DDX10: variants seen among roughly 807,000 people sequenced by gnomAD.
The protein encoded by DDX10 is probable ATP-dependent RNA helicase DDX10.
Under a neutral mutation model 104.3 loss-of-function variants are expected in DDX10, and 74 were observed. The ratio of observed to expected loss-of-function variants is 0.71; its 90% confidence interval spans 0.59 to 0.86. The LOEUF (loss-of-function observed/expected upper bound fraction) is 0.86. Ranked by LOEUF, DDX10 falls within the 40% of genes least tolerant of loss-of-function variation. DDX10 has a pLI of 0.00. For synonymous variants in DDX10, 351 were observed against 353.4 expected (o/e 0.99, Z 0.08); for missense variants, 952 against 1,040.0 (o/e 0.92, Z 1.16).
chr11:108,700,047 C>T (rs1240926641), intron 9 of DDX10, among the ~76,000 whole-genome samples: 1 of 152,306 alleles, frequency 6.6e-6, no homozygotes, highest in East Asian at 1.9e-4. Flanking sequence ...AAAAGCCTCT[C>T]ATAGGTGAGG....
At chr11:108,801,564 A>AGGAAGG (rs1862020958) in intron 13 of DDX10, among the ~76,000 whole-genome samples, 1 of 152,160 alleles carries the variant, frequency 6.6e-6, no homozygotes, top group Non-Finnish European at 1.5e-5. Context: ...CTAACCTCTT[A>AGGAAGG]CAGCCCCCAA....
At chr11:108,765,183 G>C (rs987374532) in intron 13 of DDX10, among the ~76,000 whole-genome samples, 8 of 152,038 alleles carry the variant, frequency 5.3e-5, no homozygotes, top group Non-Finnish European at 1.0e-4. Flanking sequence ...TGACTCTGAG[G>C]GAACAAATAT....
chr11:108,786,303 C>T (rs922656501), intron 13 of DDX10, among the ~76,000 whole-genome samples: 8 of 151,618 alleles, frequency 5.3e-5, no homozygotes, highest in Non-Finnish European at 1.0e-4. Context: ...GTTACATGTG[C>T]ACCTGAGAAC....
chr11:108,772,747 G>A (rs867688055), intron 13 of DDX10, among the ~76,000 whole-genome samples: 1 of 152,292 alleles, frequency 6.6e-6, no homozygotes, highest in Non-Finnish European at 1.5e-5. Context: ...TATCAGCAGC[G>A]GCATTAGATT....
chr11:108,665,402 C>T (rs780132063), intron 1 of DDX10, 63 bp downstream of exon 1: 18 of 1,484,000 alleles, frequency 1.2e-5, no homozygotes, highest in Non-Finnish European at 1.6e-5. Flanking sequence ...CTCACTGCGG[C>T]GAGGAGTTGC....
chr11:108,756,347 G>A (rs531930139), intron 13 of DDX10, among the ~76,000 whole-genome samples: 6 of 152,080 alleles, frequency 3.9e-5, no homozygotes, highest in East Asian at 1.9e-4. Context: ...TCAAGCTCAC[G>A]GAGATCAAAT....
chr11:108,682,852 A>AT (rs920337353), intron 6 of DDX10, among the ~76,000 whole-genome samples: 8 of 150,022 alleles, frequency 5.3e-5, no homozygotes, highest in Admixed American at 1.3e-4. Context: ...TTTCATCTTC[A>AT]TTTTTTTTTG....
intron 13 of DDX10, among the ~76,000 whole-genome samples, chr11:108,816,420 C>T (rs1862256035): frequency 6.6e-6 from 1 of 151,592 alleles, no homozygotes; most frequent in African/African-American, 2.4e-5. Context: ...TGAGTTTTCT[C>T]TAAATCTTTT....
chr11:108,798,656 G>A (rs1029305850), intron 13 of DDX10, among the ~76,000 whole-genome samples: 2 of 152,058 alleles, frequency 1.3e-5, no homozygotes, highest in Admixed American at 6.6e-5. Flanking sequence ...AATCTTGTAC[G>A]AGCGGTTTTG....
chr11:108,701,058 A>G (rs145091750), intron 9 of DDX10, among the ~76,000 whole-genome samples: 3 of 152,200 alleles, frequency 2.0e-5, no homozygotes, highest in South Asian at 2.1e-4. Flanking sequence ...CTGACATGGT[A>G]TACCTGTTTG....
intron 16 of DDX10, among the ~76,000 whole-genome samples, chr11:108,883,998 T>C (rs1010100276): frequency 1.3e-5 from 2 of 152,232 alleles, no homozygotes; most frequent in Non-Finnish European, 2.9e-5. Flanking sequence ...CCTCTCTGTC[T>C]TCACTTGCTC....
At chr11:108,834,891 G>A (rs1476238235) in intron 13 of DDX10, among the ~76,000 whole-genome samples, 1 of 121,494 alleles carries the variant, frequency 8.2e-6, no homozygotes, top group Non-Finnish European at 1.6e-5. Flanking sequence ...TCGCGCCACT[G>A]CACTCCAGCC....
At chr11:108,750,603 A>G (rs888861756) in intron 13 of DDX10, among the ~76,000 whole-genome samples, 2 of 152,020 alleles carry the variant, frequency 1.3e-5, no homozygotes, top group Admixed American at 1.3e-4. Flanking sequence ...TAATATATAC[A>G]TTGGATTAGT....
chr11:108,727,423 T>C (rs1466488775), intron 13 of DDX10, among the ~76,000 whole-genome samples: 2 of 152,170 alleles, frequency 1.3e-5, no homozygotes, highest in East Asian at 1.9e-4. Context: ...GTAAAGTTAT[T>C]GTCTCTGGCT....
At chr11:108,855,635 A>G (rs1862857368) in intron 16 of DDX10, among the ~76,000 whole-genome samples, 1 of 151,934 alleles carries the variant, frequency 6.6e-6, no homozygotes, top group African/African-American at 2.4e-5. Context: ...AATTTTTTGT[A>G]TTTTTAGTAG....
At chr11:108,836,521 C>G (rs766287331) in intron 13 of DDX10, among the ~76,000 whole-genome samples, 3 of 152,056 alleles carry the variant, frequency 2.0e-5, no homozygotes, top group Non-Finnish European at 4.4e-5. Flanking sequence ...GAGTCTTGTT[C>G]TTTTGCCTAG....
chr11:108,870,271 A>T (rs540127699), intron 16 of DDX10, among the ~76,000 whole-genome samples: 17 of 152,178 alleles, frequency 1.1e-4, no homozygotes, highest in Non-Finnish European at 2.1e-4. Flanking sequence ...CTAGTCTGCT[A>T]GTCTTCTTTC....
chr11:108,920,275 A>C (rs1448467065), intron 17 of DDX10: 1 of 152,232 alleles, frequency 6.6e-6, no homozygotes, highest in Non-Finnish European at 1.5e-5. Context: ...ACAAGGGTTC[A>C]GATGGAAAGT....
intron 17 of DDX10, among the ~76,000 whole-genome samples, chr11:108,934,819 A>C (rs1253647789): frequency 6.6e-6 from 1 of 152,184 alleles, no homozygotes; most frequent in Non-Finnish European, 1.5e-5. Context: ...AATTTAGAAC[A>C]CTGGAACTTG....
Sources: gnomAD v4.1 joint callset for allele counts (sites outside exome capture counted in the v4.1 genomes callset) on GRCh38, gnomAD v4.1.1 for gene constraint, MANE v1.5 for transcripts, NCBI Gene and HGNC (gene_info 2026-07-23, HGNC 2026-07-21) for gene names.